XIRP2: variants seen among roughly 807,000 people sequenced by gnomAD.
XIRP2 encodes xin actin binding repeat containing 2.
XIRP2 carries 236 observed loss-of-function variants against 277.0 expected under a neutral mutation model. The ratio of observed to expected loss-of-function variants is 0.85; its 90% CI spans 0.77 to 0.95. The LOEUF (loss-of-function observed/expected upper bound fraction) is 0.95, where lower values mean the gene tolerates loss of function less well. Among genes scored for constraint, XIRP2 ranks in the 40% least tolerant of loss-of-function variants. XIRP2 has a pLI of 0.00. For synonymous variants in XIRP2, 1,490 were observed against 1,416.5 expected (o/e 1.05, Z -1.17); for missense variants, 4,640 against 4,157.5 (o/e 1.12, Z -3.19).
Position 167,051,564 on chromosome 2 carries a change from C to T in XIRP2, c.409-84345C>T, listed in dbSNP as rs139586569. 2.8e-4 allele frequency among the ~76,000 whole-genome samples: 43 copies of T among 152,136 alleles called. No individual in the cohort carries two copies. The East Asian group carries it at 8.1e-3, about 29-fold the overall frequency. On this transcript the variant is annotated intron_variant, in intron 2 of 10. Coordinates refer to ENST00000409195, the MANE Select transcript of XIRP2 (RefSeq NM_152381.6). The stretch of plus-strand genomic sequence containing the variant: ...TTATACTCTACATTCTCTCCTACAA[C>T]TTGCTTCTTTCACTCAATGTTTTTG...
At chr2:167,028,680 A>G (rs887436662) in intron 2 of XIRP2, among the ~76,000 whole-genome samples, 6 of 152,022 alleles carry the variant, frequency 3.9e-5, no homozygotes, top group African/African-American at 1.4e-4. Flanking sequence ...AGAAGCATCA[A>G]GAACATCCAG....
chr2:167,087,141 T>C (rs1194607886), intron 2 of XIRP2, among the ~76,000 whole-genome samples: 1 of 152,278 alleles, frequency 6.6e-6, no homozygotes, highest in East Asian at 1.9e-4. Flanking sequence ...TCCTTTCTGT[T>C]TGTTAGTTTT....
chr2:167,196,240 T>C (rs964533981), intron 3 of XIRP2, among the ~76,000 whole-genome samples: 3 of 152,192 alleles, frequency 2.0e-5, no homozygotes, highest in African/African-American at 7.2e-5. Context: ...TAAGCCATGT[T>C]ACATTTTAAA....
At chr2:167,256,472 A>G (rs542830219) in intron 10 of XIRP2, among the ~76,000 whole-genome samples, 4 of 151,408 alleles carry the variant, frequency 2.6e-5, no homozygotes, top group Non-Finnish European at 5.9e-5. Flanking sequence ...CACTTATGAG[A>G]TTTTAAATTC....
At chr2:166,947,810 G>A (rs999880427) in intron 2 of XIRP2, among the ~76,000 whole-genome samples, 1 of 152,146 alleles carries the variant, frequency 6.6e-6, no homozygotes, top group Non-Finnish European at 1.5e-5. Flanking sequence ...GGACAGAGAT[G>A]TTTATAAAAA....
At chr2:167,217,327 T>C (rs1371139483) in intron 4 of XIRP2, among the ~76,000 whole-genome samples, 1 of 150,944 alleles carries the variant, frequency 6.6e-6, no homozygotes, top group Non-Finnish European at 1.5e-5. Flanking sequence ...ATTGGTGAAA[T>C]GACAGTGATA....
chr2:167,126,993 T>C (rs903382812), intron 2 of XIRP2, among the ~76,000 whole-genome samples: 1 of 152,214 alleles, frequency 6.6e-6, no homozygotes, highest in Non-Finnish European at 1.5e-5. Context: ...TTTTTTAGGA[T>C]AGGAATTTAC....
At chr2:167,055,118 T>A (rs956703907) in intron 2 of XIRP2, among the ~76,000 whole-genome samples, 1 of 152,178 alleles carries the variant, frequency 6.6e-6, no homozygotes, top group African/African-American at 2.4e-5. Flanking sequence ...TATTTAAGCC[T>A]CAGATAGTTT....
At chr2:167,059,448 A>AT in intron 2 of XIRP2, among the ~76,000 whole-genome samples, 2 of 146,894 alleles carry the variant, frequency 1.4e-5, no homozygotes, top group Admixed American at 1.4e-4. Flanking sequence ...TAACATGTGG[A>AT]AAAAAATAAA....
At position 166,954,611 on chromosome 2, in the gene XIRP2, G is replaced by A. The variant is rs148309843; in HGVS notation, c.408+50721G>A. ...ATAAATCATTCTGTTATAAAGACACGTGCATGCATATGTTCACTGCAGCAT... is the reference window on the plus strand; with the variant it reads ...ATAAATCATTCTGTTATAAAGACACATGCATGCATATGTTCACTGCAGCAT... On this transcript the variant is annotated intron_variant, in intron 2 of 10. Transcript: ENST00000409195. Among the ~76,000 whole-genome samples, 8 of 151,954 alleles carry A rather than the reference G, an allele frequency of 5.3e-5. No homozygotes were observed. In the East Asian group the frequency reaches 5.8e-4, roughly 11 times the overall value.
At chr2:167,170,157 T>C (rs765239156) in intron 3 of XIRP2, among the ~76,000 whole-genome samples, 1 of 152,184 alleles carries the variant, frequency 6.6e-6, no homozygotes, top group Non-Finnish European at 1.5e-5. Flanking sequence ...TAAAGAACTT[T>C]TAAAAATTTT....
chr2:167,084,793 T>G (rs1452808882), intron 2 of XIRP2, among the ~76,000 whole-genome samples: 1 of 150,026 alleles, frequency 6.7e-6, no homozygotes, highest in African/African-American at 2.4e-5. Flanking sequence ...TGATATCCCC[T>G]TTATCATTTT....
chr2:167,165,986 G>C (rs1046585782), intron 3 of XIRP2, among the ~76,000 whole-genome samples: 2 of 152,076 alleles, frequency 1.3e-5, no homozygotes, highest in Non-Finnish European at 2.9e-5. Flanking sequence ...ATTTAGGTCC[G>C]TGATCCATTA....
At chr2:167,062,035 C>T (rs60592663) in intron 2 of XIRP2, among the ~76,000 whole-genome samples, 11 of 152,132 alleles carry the variant, frequency 7.2e-5, no homozygotes, top group Non-Finnish European at 8.8e-5. Flanking sequence ...GTCCAGCACC[C>T]TCGATCGCTT....
chr2:167,088,728 G>A (rs1445626906), intron 2 of XIRP2, among the ~76,000 whole-genome samples: 1 of 152,068 alleles, frequency 6.6e-6, no homozygotes, highest in Non-Finnish European at 1.5e-5. Flanking sequence ...CATGCTCCTT[G>A]CTTTCTCAAC....
chr2:167,157,225 G>C (rs1386705838), intron 3 of XIRP2, among the ~76,000 whole-genome samples: 1 of 152,116 alleles, frequency 6.6e-6, no homozygotes, highest in Non-Finnish European at 1.5e-5. Flanking sequence ...AGTGTTTTTA[G>C]TTCTACACTG....
rs867058212 is a variant in XIRP2, at chr2:167,249,847, G to A, written c.8455G>A (p.Glu2819Lys). 8 of 1,613,356 alleles carry A rather than the reference G, an allele frequency of 5.0e-6. No individual in the cohort carries two copies. The highest frequency in any genetic ancestry group is 2.2e-5 in the South Asian group (2 of 91,066). ...GSDRGKLPGSEEKNQGPSMIG... is the reference protein window; with the variant it reads ...GSDRGKLPGSKEKNQGPSMIG... The stretch of plus-strand genomic sequence containing the variant: ...TGACAGAGGGAAACTTCCAGGAAGT[G>A]AAGAAAAAAATCAGGGACCATCAAT... The change falls in exon 9 of 11, where the codon GAA becomes AAA. Residue 2819 changes from glutamate to lysine, a missense_variant. Transcript: ENST00000409195.
At chr2:167,135,632 T>G (rs537483307) in intron 2 of XIRP2, among the ~76,000 whole-genome samples, 46 of 152,252 alleles carry the variant, frequency 3.0e-4, no homozygotes, top group African/African-American at 1.1e-3. Flanking sequence ...GTGACCCTTA[T>G]TTCCACTCTC....
chr2:167,168,471 A>G (rs1203668540), intron 3 of XIRP2, among the ~76,000 whole-genome samples: 2 of 151,996 alleles, frequency 1.3e-5, no homozygotes, highest in Non-Finnish European at 2.9e-5. Context: ...GGGCATGTCT[A>G]TTGAGATATT....
Sources: gnomAD v4.1 joint callset for allele counts (sites outside exome capture counted in the v4.1 genomes callset) on GRCh38, gnomAD v4.1.1 for gene constraint, MANE v1.5 for transcripts, NCBI Gene and HGNC (gene_info 2026-07-23, HGNC 2026-07-21) for gene names.